NELL1: variants seen among roughly 807,000 people sequenced by gnomAD.
NELL1 encodes the protein neural EGFL like 1, also known as protein kinase C-binding protein NELL1.
Under a neutral mutation model 107.4 loss-of-function variants are expected in NELL1, and 76 were observed. The observed-to-expected ratio is 0.71, with a 90% CI of 0.59 to 0.86. NELL1 has a LOEUF of 0.86. NELL1 is among the 40% of genes least tolerant of loss of function. The pLI, the probability that NELL1 is intolerant of heterozygous loss-of-function variation, is 0.00. For missense variants in NELL1, 1,024 were observed against 1,005.5 expected (o/e 1.02, Z -0.25); for synonymous variants, 353 against 341.2 (o/e 1.03, Z -0.38).
In NELL1 at chr11:21,406,298, G is replaced by A. The variant is rs368236744; in HGVS notation, c.1645+35350G>A. 1.6e-3 allele frequency among the ~76,000 whole-genome samples: 249 copies of A among 152,016 alleles called. 5 individuals carry two copies. In the South Asian group the frequency reaches 0.038, roughly 23 times the overall value. On this transcript the variant is annotated intron_variant, in intron 15 of 19. Coordinates refer to ENST00000357134, the MANE Select transcript of NELL1 (RefSeq NM_006157.5). The stretch of plus-strand genomic sequence containing the variant: ...ATTGGGCTTGTTGAAAGTTCTGTAC[G>A]TGTTTTTGATTAATCATACTGTCTC...
chr11:21,167,915 C>G (rs1416351122), intron 13 of NELL1, among the ~76,000 whole-genome samples: 1 of 151,746 alleles, frequency 6.6e-6, no homozygotes, highest in African/African-American at 2.4e-5. Flanking sequence ...TCCATGCACC[C>G]TTTTTCTCAC....
At chr11:20,707,908 T>C (rs1380579736) in intron 2 of NELL1, among the ~76,000 whole-genome samples, 1 of 152,244 alleles carries the variant, frequency 6.6e-6, no homozygotes, top group Non-Finnish European at 1.5e-5. Context: ...CAGAACTTTC[T>C]GCTGCCTTTT....
intron 15 of NELL1, among the ~76,000 whole-genome samples, chr11:21,469,851 C>T (rs999048305): frequency 3.3e-5 from 5 of 151,990 alleles, no homozygotes; most frequent in Admixed American, 2.0e-4. Flanking sequence ...AGTAGCACTA[C>T]GTGTTTAGAA....
chr11:20,791,554 T>A (rs1021621938), intron 3 of NELL1, among the ~76,000 whole-genome samples: 1 of 152,178 alleles, frequency 6.6e-6, no homozygotes, highest in Non-Finnish European at 1.5e-5. Flanking sequence ...ACCTGCTGCC[T>A]GTTAGTTCAT....
chr11:21,498,626 A>G (rs1855051361), intron 15 of NELL1, among the ~76,000 whole-genome samples: 1 of 151,894 alleles, frequency 6.6e-6, no homozygotes, highest in African/African-American at 2.4e-5. Flanking sequence ...TTCTTACAGA[A>G]GTTTCTTTGT....
Position 20,783,804 on chromosome 11 carries a change from A to C in NELL1, c.309A>C (p.Ile103=). Residue 103 remains isoleucine, a synonymous_variant, in exon 3 of 20, where the codon ATA becomes ATC. Coordinates refer to ENST00000357134, the MANE Select transcript of NELL1 (RefSeq NM_006157.5). The part of the protein sequence containing the change: ...VQQKPSTSGV[I]LSIRELEHSY... The stretch of plus-strand genomic sequence containing the variant: ...AGAAGCCATCCACTTCAGGAGTGAT[A>C]CTGTCCATTCGAGAACTGGAGCACA... 1 of 1,613,542 alleles carries C rather than the reference A, an allele frequency of 6.2e-7. No homozygotes were observed. The highest frequency in any genetic ancestry group is 2.2e-5 in the East Asian group (1 of 44,850).
At chr11:20,928,533 T>C (rs1294017597) in intron 9 of NELL1, 54 bp downstream of exon 9, 3 of 1,413,496 alleles carry the variant, frequency 2.1e-6, no homozygotes, top group Non-Finnish European at 3.0e-6. Flanking sequence ...ATTTATTTAT[T>C]TATTTTCCCT....
intron 15 of NELL1, among the ~76,000 whole-genome samples, chr11:21,406,157 T>A (rs898711793): frequency 6.6e-6 from 1 of 151,918 alleles, no homozygotes; most frequent in African/African-American, 2.4e-5. Context: ...GAGAGAGAGA[T>A]AAAAAATTTC....
chr11:21,154,141 A>C (rs896716649), intron 13 of NELL1, among the ~76,000 whole-genome samples: 1 of 152,194 alleles, frequency 6.6e-6, no homozygotes, highest in East Asian at 1.9e-4. Flanking sequence ...GATTGAGCTG[A>C]GACCAGTTAT....
intron 7 of NELL1, among the ~76,000 whole-genome samples, chr11:20,926,744 T>C (rs1341382179): frequency 2.0e-5 from 3 of 152,198 alleles, no homozygotes; most frequent in African/African-American, 7.2e-5. Flanking sequence ...CTGTCCTTCT[T>C]CTAAGCACAA....
chr11:21,109,359 A>C (rs1010680543), intron 12 of NELL1, among the ~76,000 whole-genome samples: 13 of 152,132 alleles, frequency 8.5e-5, no homozygotes, highest in African/African-American at 3.1e-4. Flanking sequence ...CTTCCAGTAC[A>C]TGTCAGGTTA....
At chr11:21,216,069 CTT>C (rs1301787686) in intron 13 of NELL1, among the ~76,000 whole-genome samples, 1 of 152,082 alleles carries the variant, frequency 6.6e-6, no homozygotes, top group Admixed American at 6.6e-5. Flanking sequence ...AGCCTCAGGA[CTT>C]TGTTCCTGAT....
At chr11:20,857,728 A>C (rs907096874) in intron 4 of NELL1, among the ~76,000 whole-genome samples, 2 of 152,186 alleles carry the variant, frequency 1.3e-5, no homozygotes, top group African/African-American at 4.8e-5. Context: ...TGGGATTGAG[A>C]TGATGCAGGT....
intron 14 of NELL1, among the ~76,000 whole-genome samples, chr11:21,288,034 G>T (rs1224614750): frequency 3.3e-5 from 1 of 29,962 alleles, no homozygotes; most frequent in African/African-American, 9.8e-5. Flanking sequence ...AGGAAGGAAA[G>T]AAAGAAAAAA....
chr11:20,991,584 A>G (rs1851972378), intron 12 of NELL1, among the ~76,000 whole-genome samples: 1 of 152,188 alleles, frequency 6.6e-6, no homozygotes, highest in Non-Finnish European at 1.5e-5. Context: ...CCCCTACATA[A>G]CAATAAAACA....
At chr11:20,838,442 A>C (rs193162081) in intron 3 of NELL1, among the ~76,000 whole-genome samples, 53 of 151,736 alleles carry the variant, frequency 3.5e-4, no homozygotes, top group African/African-American at 9.7e-4. Flanking sequence ...ATTGGTTCTT[A>C]ATAGGGCAGA....
intron 14 of NELL1, among the ~76,000 whole-genome samples, chr11:21,296,645 G>C (rs1849382605): frequency 6.6e-6 from 1 of 151,904 alleles, no homozygotes; most frequent in Non-Finnish European, 1.5e-5. Flanking sequence ...ATACTATGCA[G>C]TTGGATTCGT....
intron 14 of NELL1, among the ~76,000 whole-genome samples, chr11:21,333,229 G>A (rs1349514078): frequency 6.6e-6 from 1 of 152,010 alleles, no homozygotes; most frequent in Non-Finnish European, 1.5e-5. Context: ...AGCATCCAAA[G>A]TGGGTGTTTC....
At chr11:21,544,501 C>A (rs1856380506) in intron 16 of NELL1, among the ~76,000 whole-genome samples, 2 of 151,792 alleles carry the variant, frequency 1.3e-5, no homozygotes, top group African/African-American at 4.8e-5. Context: ...CTGATTCGAC[C>A]TGAAGGATGG....
Sources: allele counts gnomAD v4.1 joint callset (sites outside exome capture counted in the v4.1 genomes callset), GRCh38; gene constraint gnomAD v4.1.1; transcripts MANE v1.5; gene names NCBI Gene and HGNC (gene_info 2026-07-23, HGNC 2026-07-21).